The following CDH20 variants were observed in gnomAD, a reference collection of about 807,000 sequenced individuals.
The protein encoded by CDH20 is cadherin-20.
A neutral mutation model predicts 74.2 loss-of-function variants in CDH20; 29 were observed. The observed-to-expected ratio is 0.39, with a 90% CI of 0.29 to 0.53. CDH20 has a LOEUF of 0.53. Ranked by LOEUF, CDH20 falls within the 20% of genes least tolerant of loss-of-function variation. The pLI is 0.69. For missense variants in CDH20, 988 were observed against 1,048.3 expected (o/e 0.94, Z 0.79); for synonymous variants, 469 against 405.4 (o/e 1.16, Z -1.88).
At chr18:61,464,794 T>G (rs920275638) in intron 1 of CDH20, among the ~76,000 whole-genome samples, 1 of 152,208 alleles carries the variant, frequency 6.6e-6, no homozygotes, top group Non-Finnish European at 1.5e-5. Flanking sequence ...TAGCCAGACC[T>G]CTCAGACTTG....
rs144771832 is a variant in CDH20 at position 61,472,318 on chromosome 18, C to G, written c.-152-18084C>G. On this transcript the variant is annotated intron_variant, in intron 1 of 11. Coordinates refer to ENST00000262717, the MANE Select transcript of CDH20 (RefSeq NM_031891.4). Reference sequence around the variant, plus strand: ...CCCCGAGAGACGTGCTCAAACCCCACGGCATAGGCAGCAGGGGAAGGAAAA... The same window carrying G: ...CCCCGAGAGACGTGCTCAAACCCCAGGGCATAGGCAGCAGGGGAAGGAAAA... 1.3e-3 allele frequency among the ~76,000 whole-genome samples: 200 copies of G among 152,068 alleles called. 1 individual carries two copies. The highest frequency in any genetic ancestry group is 4.6e-3 in the African/African-American group (190 of 41,466).
rs1912171508 is a variant in CDH20 at position 61,520,602 on chromosome 18, A to G, written c.1018-7365A>G. Among the ~76,000 whole-genome samples, 3 of 41,382 alleles carry G rather than the reference A, an allele frequency of 7.2e-5. No individual in the cohort carries two copies. In the Admixed American group the frequency reaches 9.1e-4, roughly 13 times the overall value. 27.1% of individuals were successfully genotyped at this position (41,382 alleles called of 152,430 possible). On this transcript the variant is annotated intron_variant, in intron 6 of 11. Transcript: ENST00000262717. ...GACCAAGCAGACCTAATAGACCTCT[A>G]CAGAACTCTCCACCCCAAAATCAAC...
chr18:61,429,952 TCA>T (rs1237033400), intron 1 of CDH20, among the ~76,000 whole-genome samples: 2 of 152,180 alleles, frequency 1.3e-5, no homozygotes, highest in Non-Finnish European at 2.9e-5. Context: ...ATATATTGTG[TCA>T]CATATACATG....
chr18:61,491,491 G>A lies in CDH20; in HGVS notation c.246+692G>A, dbSNP rs7242168. Among the ~76,000 whole-genome samples the A allele has an allele frequency of 9.0e-3, 1,363 of 152,236 alleles. 21 individuals carry two copies. Among genetic ancestry groups the A allele is most frequent in the African/African-American group, 0.031 (1,278 of 41,524 alleles). ...AATTCATTCAAATGGTAACTTAAAC[G>A]CTTGTTTAGCACAGAGGCTGGGAGC... is the stretch of plus-strand genomic sequence containing the variant. On this transcript the variant is annotated intron_variant, in intron 2 of 11. Coordinates refer to ENST00000262717, the MANE Select transcript of CDH20 (RefSeq NM_031891.4).
intron 1 of CDH20, among the ~76,000 whole-genome samples, chr18:61,454,322 T>A (rs968158792): frequency 6.6e-6 from 1 of 152,198 alleles, no homozygotes; most frequent in Admixed American, 6.5e-5. Context: ...TACAGGAAGT[T>A]CTATTACATA....
At chr18:61,528,359 GTTT>G in intron 7 of CDH20, 139 bp downstream of exon 7, 25 of 622,646 alleles carry the variant, frequency 4.0e-5, no homozygotes, top group East Asian at 1.3e-4. Flanking sequence ...TTTTTGTGTT[GTTT>G]TTTTTTTTTT....
chr18:61,428,528 G>A (rs1206423158), intron 1 of CDH20, among the ~76,000 whole-genome samples: 3 of 152,078 alleles, frequency 2.0e-5, no homozygotes, highest in African/African-American at 7.2e-5. Context: ...CTTGCTGTTG[G>A]GTCAAGAGCT....
chr18:61,375,644 C>T (rs748193722), intron 1 of CDH20, among the ~76,000 whole-genome samples: 1 of 152,122 alleles, frequency 6.6e-6, no homozygotes, highest in African/African-American at 2.4e-5. Context: ...ATCTAGTCAA[C>T]TCCTTCTTCA....
Position 61,517,695 on chromosome 18 carries a change from TTTG to T in CDH20, c.1017+10150_1017+10152del, listed in dbSNP as rs60265710. Among the ~76,000 whole-genome samples the T allele has an allele frequency of 8.5e-3, 1,295 of 152,026 alleles. 22 individuals carry two copies. The highest frequency in any genetic ancestry group is 0.029 in the African/African-American group (1,208 of 41,464). On this transcript the variant is annotated intron_variant, in intron 6 of 11. Transcript: ENST00000262717. The stretch of plus-strand genomic sequence containing the variant: ...AGACACCGAACTAGCTGCAGTTTTT[TTTG>T]TTGTTGTTGTTGTTTTGTTTTGTTT...
At chr18:61,513,021 G>A (rs527352277) in intron 6 of CDH20, among the ~76,000 whole-genome samples, 6 of 151,984 alleles carry the variant, frequency 3.9e-5, no homozygotes, top group Non-Finnish European at 5.9e-5. Flanking sequence ...TATTAGGTCC[G>A]CTTGGTGCAG....
At chr18:61,482,539 GAAACACTACT>G in intron 1 of CDH20, among the ~76,000 whole-genome samples, 1 of 152,216 alleles carries the variant, frequency 6.6e-6, no homozygotes, top group East Asian at 1.9e-4. Context: ...CTTCTCTCCA[GAAACACTACT>G]AAACAGAGAT....
At chr18:61,433,286 T>G (rs1908718679) in intron 1 of CDH20, among the ~76,000 whole-genome samples, 1 of 152,180 alleles carries the variant, frequency 6.6e-6, no homozygotes, top group Non-Finnish European at 1.5e-5. Context: ...GTCAAACATC[T>G]CAGTAGGGGC....
At chr18:61,446,199 G>A (rs1051016158) in intron 1 of CDH20, among the ~76,000 whole-genome samples, 11 of 152,116 alleles carry the variant, frequency 7.2e-5, no homozygotes, top group African/African-American at 2.7e-4. Flanking sequence ...AAATATCAAA[G>A]GATTTACAGA....
chr18:61,403,001 G>A (rs898257321), intron 1 of CDH20, among the ~76,000 whole-genome samples: 1 of 152,102 alleles, frequency 6.6e-6, no homozygotes, highest in Non-Finnish European at 1.5e-5. Context: ...ACCCTTCTCA[G>A]GGTTAATCAG....
chr18:61,430,975 C>G lies in CDH20; in HGVS notation c.-152-59427C>G, dbSNP rs537699802. On this transcript the variant is annotated intron_variant, in intron 1 of 11. Transcript: ENST00000262717. ...GCTTGTATTTACAAGGGTTTTGTTA[C>G]TTCTAAGATCTCTCAAGCGACAGAG... 5.2e-4 allele frequency among the ~76,000 whole-genome samples: 79 copies of G among 152,214 alleles called. 1 individual carries two copies. Among genetic ancestry groups the G allele is most frequent in the Admixed American group, 4.0e-3 (61 of 15,260 alleles).
At chr18:61,488,081 C>CACAT (rs1555680140) in intron 1 of CDH20, among the ~76,000 whole-genome samples, 4 of 148,796 alleles carry the variant, frequency 2.7e-5, no homozygotes, top group Non-Finnish European at 4.5e-5. Flanking sequence ...TACGTACATA[C>CACAT]ATATATATAT....
At chr18:61,502,417 A>G (rs1293637319) in intron 4 of CDH20, among the ~76,000 whole-genome samples, 1 of 152,208 alleles carries the variant, frequency 6.6e-6, no homozygotes, top group East Asian at 1.9e-4. Flanking sequence ...ATATGTAACA[A>G]CAGGAAAATC....
chr18:61,377,202 G>C (rs1239761159), intron 1 of CDH20, among the ~76,000 whole-genome samples: 1 of 152,034 alleles, frequency 6.6e-6, no homozygotes, highest in African/African-American at 2.4e-5. Context: ...TGGGCAATTT[G>C]TTGTAGAGGT....
At chr18:61,382,072 A>G (rs1473585266) in intron 1 of CDH20, among the ~76,000 whole-genome samples, 6 of 152,132 alleles carry the variant, frequency 3.9e-5, no homozygotes, top group African/African-American at 1.2e-4. Context: ...TCCATGCCAC[A>G]TGCTCTACTG....
Sources: allele counts gnomAD v4.1 joint callset (sites outside exome capture counted in the v4.1 genomes callset), GRCh38; gene constraint gnomAD v4.1.1; transcripts MANE v1.5; gene names NCBI Gene and HGNC (gene_info 2026-07-23, HGNC 2026-07-21).